The following CNBD1 variants were observed in gnomAD, a reference collection of about 807,000 sequenced individuals.
The protein encoded by CNBD1 is cyclic nucleotide-binding domain-containing protein 1.
A neutral mutation model predicts 54.4 loss-of-function variants in CNBD1; 71 were observed. That is an observed-to-expected ratio of 1.30 (90% CI 1.08 to 1.59). The LOEUF (loss-of-function observed/expected upper bound fraction) is 1.59, where lower values mean the gene tolerates loss of function less well. CNBD1 is among the 40% of genes most tolerant of loss of function. CNBD1 has a pLI of 0.00. For missense variants in CNBD1, 659 were observed against 518.0 expected (o/e 1.27, Z -2.64); for synonymous variants, 182 against 170.7 (o/e 1.07, Z -0.51).
chr8:87,309,956 G>A (rs1228720941), intron 8 of CNBD1, among the ~76,000 whole-genome samples: 5 of 152,144 alleles, frequency 3.3e-5, no homozygotes, highest in Non-Finnish European at 4.4e-5. Flanking sequence ...TTTGCCACCA[G>A]TCCCTGATAA....
chr8:87,083,779 A>T (rs1041706805), intron 4 of CNBD1, among the ~76,000 whole-genome samples: 2 of 151,932 alleles, frequency 1.3e-5, no homozygotes. Flanking sequence ...TAGTAGAGAC[A>T]GGGTTTTACC....
chr8:86,916,197 C>T (rs887844402), intron 3 of CNBD1, among the ~76,000 whole-genome samples: 6 of 152,048 alleles, frequency 3.9e-5, no homozygotes, highest in African/African-American at 1.4e-4. Flanking sequence ...GGGCATGAGG[C>T]AGAAGGAGAG....
chr8:87,420,868 G>T (rs941923970), intron 2 of CNBD1, among the ~76,000 whole-genome samples: 2 of 151,004 alleles, frequency 1.3e-5, no homozygotes, highest in African/African-American at 4.9e-5. Context: ...AGAATTATAA[G>T]GCCATGTCTT....
intron 5 of CNBD1, among the ~76,000 whole-genome samples, chr8:87,228,944 G>A (rs1814589186): frequency 6.6e-6 from 1 of 152,200 alleles, no homozygotes; most frequent in African/African-American, 2.4e-5. Context: ...ATCTCATGGT[G>A]CGCCGTTTTT....
intron 4 of CNBD1, among the ~76,000 whole-genome samples, chr8:87,136,161 C>A (rs2130732048): frequency 6.6e-6 from 1 of 151,988 alleles, no homozygotes; most frequent in Middle Eastern, 3.4e-3. Flanking sequence ...AACTCAAAAG[C>A]AATGGAAGTA....
intron 4 of CNBD1, among the ~76,000 whole-genome samples, chr8:87,026,956 T>G (rs923213062): frequency 1.3e-5 from 2 of 152,184 alleles, no homozygotes; most frequent in African/African-American, 4.8e-5. Flanking sequence ...GACAAAAATG[T>G]ATGCTGACAG....
intron 4 of CNBD1, among the ~76,000 whole-genome samples, chr8:87,040,305 G>C (rs1810037201): frequency 6.6e-6 from 1 of 152,196 alleles, no homozygotes; most frequent in African/African-American, 2.4e-5. Context: ...AAGCAAGATG[G>C]AGTTGGTTAG....
At chr8:87,206,168 G>A in intron 5 of CNBD1, 30 bp downstream of exon 5, 6 of 1,466,900 alleles carry the variant, frequency 4.1e-6, no homozygotes, top group East Asian at 2.6e-5. Flanking sequence ...TAAATTTGGC[G>A]AGATAAAATG....
At chr8:87,176,098 G>A (rs558757189) in intron 4 of CNBD1, among the ~76,000 whole-genome samples, 25 of 152,200 alleles carry the variant, frequency 1.6e-4, no homozygotes, top group Non-Finnish European at 3.4e-4. Flanking sequence ...GTGGGTGATG[G>A]GAGGGGTTGG....
At chr8:87,360,023 G>T (rs1486902682) in intron 10 of CNBD1, among the ~76,000 whole-genome samples, 4 of 151,914 alleles carry the variant, frequency 2.6e-5, no homozygotes, top group African/African-American at 9.7e-5. Flanking sequence ...ATAAATTAAT[G>T]CTTATCTTTC....
intron 10 of CNBD1, among the ~76,000 whole-genome samples, chr8:87,354,339 T>C: frequency 6.6e-6 from 1 of 152,136 alleles, no homozygotes; most frequent in African/African-American, 2.4e-5. Flanking sequence ...CAGGGGTACT[T>C]GGTGGATCCC....
At chr8:87,213,887 T>A (rs746083445) in intron 5 of CNBD1, among the ~76,000 whole-genome samples, 2 of 152,212 alleles carry the variant, frequency 1.3e-5, no homozygotes, top group Non-Finnish European at 2.9e-5. Flanking sequence ...ACTTCCTAGA[T>A]ACAATCAGGG....
chr8:87,217,384 T>G (rs756706650), intron 5 of CNBD1, among the ~76,000 whole-genome samples: 3 of 152,010 alleles, frequency 2.0e-5, no homozygotes, highest in Non-Finnish European at 4.4e-5. Flanking sequence ...AATTGGAGAT[T>G]TAGTAAAATT....
chr8:86,878,456 A>C (rs1395353701), intron 1 of CNBD1, among the ~76,000 whole-genome samples: 1 of 151,280 alleles, frequency 6.6e-6, no homozygotes, highest in Non-Finnish European at 1.5e-5. Flanking sequence ...TCATCGTTTA[A>C]ATTCCAAAGG....
At chr8:87,045,138 A>G (rs1810154439) in intron 4 of CNBD1, among the ~76,000 whole-genome samples, 1 of 152,142 alleles carries the variant, frequency 6.6e-6, no homozygotes, top group Non-Finnish European at 1.5e-5. Context: ...AGGTCCTTGG[A>G]AGAATGGCAT....
chr8:87,125,537 C>T (rs1456903612), intron 4 of CNBD1, among the ~76,000 whole-genome samples: 2 of 151,770 alleles, frequency 1.3e-5, no homozygotes, highest in African/African-American at 4.8e-5. Flanking sequence ...ATTAATTTGA[C>T]CATTCCATCT....
chr8:87,198,217 A>G (rs1813761410), intron 4 of CNBD1, among the ~76,000 whole-genome samples: 2 of 152,184 alleles, frequency 1.3e-5, no homozygotes, highest in African/African-American at 2.4e-5. Context: ...CATAGCAGCT[A>G]TGAAAGCCAG....
chr8:87,284,430 C>A (rs937286241), intron 6 of CNBD1, among the ~76,000 whole-genome samples: 1 of 152,088 alleles, frequency 6.6e-6, no homozygotes, highest in Non-Finnish European at 1.5e-5. Flanking sequence ...CTCTAATAGG[C>A]ACTTTAAATC....
Position 86,881,535 on chromosome 8 carries a change from A to C in CNBD1, c.89-6007A>C, listed in dbSNP as rs182702738. Among the ~76,000 whole-genome samples, 32 of 152,360 alleles carry C rather than the reference A, an allele frequency of 2.1e-4. 1 individual carries two copies. The highest frequency in any genetic ancestry group is 1.9e-3 in the Admixed American group (29 of 15,306). ...AATCAGAAATGACACAAACAAATGG[A>C]AAACCATTCCATGCTCATAGATAGG... is the stretch of plus-strand genomic sequence containing the variant. On this transcript the variant is annotated intron_variant, in intron 1 of 10. Transcript: ENST00000518476.
Sources: allele counts gnomAD v4.1 joint callset (sites outside exome capture counted in the v4.1 genomes callset), GRCh38; gene constraint gnomAD v4.1.1; transcripts MANE v1.5; gene names NCBI Gene and HGNC (gene_info 2026-07-23, HGNC 2026-07-21).